Variants in CFDP1 observed in about 807,000 individuals in gnomAD.
CFDP1 encodes chromatin remodeling protein CFDP1.
A neutral mutation model predicts 40.1 loss-of-function variants in CFDP1; 31 were observed. That is an observed-to-expected ratio of 0.77 (90% CI 0.58 to 1.04). The LOEUF is 1.04. Ranked by LOEUF, CFDP1 falls within the 50% of genes least tolerant of loss-of-function variation. CFDP1 has a pLI of 0.00. For synonymous variants in CFDP1, 167 were observed against 120.0 expected (o/e 1.39, Z -2.56); for missense variants, 423 against 343.4 (o/e 1.23, Z -1.83).
Position 75,323,157 on chromosome 16 carries a change from T to C in CFDP1, c.651-17975A>G, listed in dbSNP as rs189317229. On this transcript the variant is annotated intron_variant, in intron 5 of 6. Transcript: ENST00000283882. ...ACATAGCACAGCTGTAGAAAAACTTTCTTTATACCCTGTTTCTGTAAGGTT... is the reference window on the plus strand; with the variant it reads ...ACATAGCACAGCTGTAGAAAAACTTCCTTTATACCCTGTTTCTGTAAGGTT... Among the ~76,000 whole-genome samples the C allele has an allele frequency of 1.1e-4, 17 of 152,216 alleles. No homozygotes were observed. The East Asian group carries it at 3.3e-3, about 29-fold the overall frequency.
intron 1 of CFDP1, among the ~76,000 whole-genome samples, chr16:75,418,197 G>A (rs1473809500): frequency 7.9e-6 from 1 of 125,860 alleles, no homozygotes; most frequent in African/African-American, 2.9e-5. Flanking sequence ...AGGTTGCGAT[G>A]AGCTGAGATA....
Position 75,382,866 on chromosome 16 carries a change from C to T in CFDP1, c.650+12224G>A, listed in dbSNP as rs190783595. On this transcript the variant is annotated intron_variant, in intron 5 of 6. Transcript: ENST00000283882. ...CTTTTGTTTCCACTTCCTACAGGCA[C>T]ATCATCTCACAAGCAGCTAGGACTA... Among the ~76,000 whole-genome samples, 218 of 152,302 alleles carry T rather than the reference C, an allele frequency of 1.4e-3. 1 individual carries two copies. The highest frequency in any genetic ancestry group is 5.2e-3 in the African/African-American group (215 of 41,548).
chr16:75,407,531 T>C (rs989455499), intron 4 of CFDP1, among the ~76,000 whole-genome samples: 1 of 151,296 alleles, frequency 6.6e-6, no homozygotes, highest in South Asian at 2.1e-4. Flanking sequence ...ATTTTAAAAG[T>C]TAGATGGGCA....
At chr16:75,350,719 G>GT (rs1252499322) in intron 5 of CFDP1, among the ~76,000 whole-genome samples, 2 of 151,886 alleles carry the variant, frequency 1.3e-5, no homozygotes, top group Non-Finnish European at 2.9e-5. Flanking sequence ...GAACAAACTG[G>GT]TAATTCATAC....
chr16:75,333,800 A>C (rs915721231), intron 5 of CFDP1, among the ~76,000 whole-genome samples: 6 of 152,166 alleles, frequency 3.9e-5, no homozygotes, highest in African/African-American at 1.4e-4. Context: ...AGAGGGAAGT[A>C]AAAAAAGATG....
chr16:75,411,700 A>G, intron 4 of CFDP1, 125 bp downstream of exon 4: 1 of 961,640 alleles, frequency 1.0e-6, no homozygotes, highest in Non-Finnish European at 1.6e-6. Context: ...GTTTTCCTTG[A>G]GTTCAAGTAT....
intron 5 of CFDP1, among the ~76,000 whole-genome samples, chr16:75,340,038 C>G (rs151259942): frequency 1.7e-4 from 26 of 152,240 alleles, no homozygotes; most frequent in Non-Finnish European, 3.4e-4. Context: ...TTGCATGCCT[C>G]AATAGGACAG....
intron 5 of CFDP1, among the ~76,000 whole-genome samples, chr16:75,342,861 G>C (rs1257046163): frequency 6.6e-6 from 1 of 152,100 alleles, no homozygotes; most frequent in African/African-American, 2.4e-5. Context: ...ACATCTAGTG[G>C]GTAAAGGCTA....
At chr16:75,350,160 T>G (rs987158292) in intron 5 of CFDP1, among the ~76,000 whole-genome samples, 1 of 152,226 alleles carries the variant, frequency 6.6e-6, no homozygotes, top group Non-Finnish European at 1.5e-5. Context: ...TGAAAGTCAT[T>G]TGAGTACCTC....
intron 6 of CFDP1, among the ~76,000 whole-genome samples, chr16:75,297,595 T>C (rs1317913943): frequency 2.0e-5 from 3 of 152,320 alleles, no homozygotes; most frequent in South Asian, 2.1e-4. Flanking sequence ...CGCAGCCCTT[T>C]TGGGGGCCCA....
chr16:75,399,109 C>A (rs2079025674), intron 4 of CFDP1, among the ~76,000 whole-genome samples: 1 of 151,260 alleles, frequency 6.6e-6, no homozygotes, highest in African/African-American at 2.4e-5. Flanking sequence ...CCACACTTAG[C>A]CACTGTCTGA....
At chr16:75,347,724 G>A (rs142899797) in intron 5 of CFDP1, among the ~76,000 whole-genome samples, 1 of 152,190 alleles carries the variant, frequency 6.6e-6, no homozygotes, top group Non-Finnish European at 1.5e-5. Context: ...AAATTTAAAG[G>A]GAAAACTTTA....
Position 75,425,564 on chromosome 16 carries a change from T to C in CFDP1, c.64+7725A>G, listed in dbSNP as rs554192045. Among the ~76,000 whole-genome samples, 5 of 151,710 alleles carry C rather than the reference T, an allele frequency of 3.3e-5. No individual in the cohort carries two copies. In the South Asian group the frequency reaches 6.2e-4, roughly 19 times the overall value. Reference sequence around the variant, plus strand: ...GCCCAGAAATAAACCTATACAAGTATGGCCAGTTCACTTTACAGAAATACA... The same window carrying C: ...GCCCAGAAATAAACCTATACAAGTACGGCCAGTTCACTTTACAGAAATACA... On this transcript the variant is annotated intron_variant, in intron 1 of 6. Transcript: ENST00000283882.
chr16:75,433,314 C>A lies in CFDP1; in HGVS notation c.39G>T (p.Glu13Asp). 1 of 1,601,652 alleles carries A rather than the reference C, an allele frequency of 6.2e-7. No homozygotes were observed. Among genetic ancestry groups the A allele is most frequent in the East Asian group, 2.2e-5 (1 of 44,490 alleles). ...CCGACGGCACGTAGTCCTCGTCCTCCTCCGACGTAGAGAAGTCTTCGGAGT... is the reference window on the plus strand; with the variant it reads ...CCGACGGCACGTAGTCCTCGTCCTCATCCGACGTAGAGAAGTCTTCGGAGT... ...EFDSEDFSTS[E>D]EDEDYVPSGG... The change falls in exon 1 of 7, where the codon GAG (glutamate) becomes GAT (aspartate). Residue 13 changes from glutamate (E) to aspartate (D), a missense_variant. By Grantham distance (45) the Glu-to-Asp change is conservative (BLOSUM62 2). Coordinates refer to ENST00000283882, the MANE Select transcript of CFDP1 (RefSeq NM_006324.3).
intron 5 of CFDP1, among the ~76,000 whole-genome samples, chr16:75,310,106 A>C (rs1409269091): frequency 6.6e-6 from 1 of 152,190 alleles, no homozygotes; most frequent in Non-Finnish European, 1.5e-5. Flanking sequence ...CAATGTCACA[A>C]TGACATTGCA....
At chr16:75,399,056 C>CAAAAAAAAAAAA (rs58692180) in intron 4 of CFDP1, among the ~76,000 whole-genome samples, 1 of 98,064 alleles carries the variant, frequency 1.0e-5, no homozygotes. Flanking sequence ...GACTCCGTCT[C>CAAAAAAAAAAAA]AAAAAAAAAA....
At chr16:75,411,793 G>A (rs1294867276) in intron 4 of CFDP1, 32 bp downstream of exon 4, 3 of 1,593,304 alleles carry the variant, frequency 1.9e-6, no homozygotes, top group South Asian at 1.1e-5. Flanking sequence ...TTTTGAAAAT[G>A]CTAGTTTCAA....
intron 5 of CFDP1, among the ~76,000 whole-genome samples, chr16:75,330,032 A>T (rs2078433853): frequency 6.6e-6 from 1 of 152,214 alleles, no homozygotes; most frequent in Non-Finnish European, 1.5e-5. Context: ...AGGTTATTAG[A>T]AATGCAAACT....
chr16:75,353,557 C>G (rs889051273), intron 5 of CFDP1, among the ~76,000 whole-genome samples: 1 of 151,662 alleles, frequency 6.6e-6, no homozygotes, highest in African/African-American at 2.4e-5. Flanking sequence ...GTCAGGAGAT[C>G]GAGACCATGG....
Sources: gnomAD v4.1 joint callset for allele counts (sites outside exome capture counted in the v4.1 genomes callset) on GRCh38, gnomAD v4.1.1 for gene constraint, MANE v1.5 for transcripts, NCBI Gene and HGNC (gene_info 2026-07-23, HGNC 2026-07-21) for gene names.